DLG2: variants seen among roughly 807,000 people sequenced by gnomAD.
DLG2 encodes the protein disks large homolog 2.
A neutral mutation model predicts 132.5 loss-of-function variants in DLG2; 45 were observed. That is an observed-to-expected ratio of 0.34 (90% CI 0.27 to 0.44). The LOEUF (loss-of-function observed/expected upper bound fraction) is 0.44, where lower values mean the gene tolerates loss of function less well. DLG2 is among the 20% of genes least tolerant of loss of function. The probability of loss-of-function intolerance (pLI) is 1.00; values close to 1 mark genes in which losing one functional copy is unlikely to be tolerated. For missense variants in DLG2, 1,045 were observed against 1,196.9 expected, an observed-to-expected ratio of 0.87 and a Z score of 1.87; for synonymous variants, 424 against 419.6, an observed-to-expected ratio of 1.01 and a Z score of -0.13.
intron 19 of DLG2, among the ~76,000 whole-genome samples, chr11:83,542,311 A>G (rs555800401): frequency 1.1e-3 from 173 of 152,272 alleles, no homozygotes; most frequent in Admixed American, 2.8e-3. Context: ...AGCCTGTAGA[A>G]CTGTTTCTTT....
intron 2 of DLG2, among the ~76,000 whole-genome samples, chr11:85,609,710 A>G (rs2080853765): frequency 6.6e-6 from 1 of 152,160 alleles, no homozygotes; most frequent in Non-Finnish European, 1.5e-5. Context: ...GCACCAGCTC[A>G]TGTTATCACC....
At chr11:84,127,177 G>T (rs1011862488) in intron 9 of DLG2, among the ~76,000 whole-genome samples, 1 of 152,156 alleles carries the variant, frequency 6.6e-6, no homozygotes, top group Non-Finnish European at 1.5e-5. Flanking sequence ...ACGTTAGAAG[G>T]TAAGTCTGCA....
At chr11:85,300,146 G>A (rs879535835) in intron 3 of DLG2, among the ~76,000 whole-genome samples, 1 of 152,094 alleles carries the variant, frequency 6.6e-6, no homozygotes, top group Admixed American at 6.6e-5. Flanking sequence ...TAACAGTCTA[G>A]TAGAAAAAAA....
chr11:84,086,491 CTTTTT>C (rs66719037), intron 10 of DLG2, among the ~76,000 whole-genome samples: 2 of 110,498 alleles, frequency 1.8e-5, no homozygotes. Flanking sequence ...TTCTTTCTTT[CTTTTT>C]TTTTTTTTTT....
At chr11:84,581,406 C>A (rs1025522656) in intron 6 of DLG2, among the ~76,000 whole-genome samples, 1 of 151,936 alleles carries the variant, frequency 6.6e-6, no homozygotes, top group Admixed American at 6.6e-5. Flanking sequence ...TCCAGCATTA[C>A]GACTATATAT....
At position 83,962,829 on chromosome 11, in the gene DLG2, T is replaced by C. The variant is rs531876038; in HGVS notation, c.1340+56A>G. The C allele has an allele frequency of 9.7e-4, 1,548 of 1,593,784 alleles. 21 individuals carry two copies. The South Asian group carries it at 0.016, about 16-fold the overall frequency. On this transcript the variant is annotated intron_variant, in intron 14 of 27. Coordinates refer to ENST00000376104, the MANE Select transcript of DLG2 (RefSeq NM_001142699.3). ...AACAACACCTGACATGTTAGGCAAATGTGATTTCTTTCTGGTAATAAGAGC... is the reference window on the plus strand; with the variant it reads ...AACAACACCTGACATGTTAGGCAAACGTGATTTCTTTCTGGTAATAAGAGC...
chr11:84,794,974 T>C (rs2074371312), intron 6 of DLG2, among the ~76,000 whole-genome samples: 2 of 152,172 alleles, frequency 1.3e-5, no homozygotes, highest in Non-Finnish European at 2.9e-5. Context: ...GATAAGCTCC[T>C]GGGCAGAAAG....
At chr11:84,286,911 T>A (rs1304545867) in intron 7 of DLG2, among the ~76,000 whole-genome samples, 1 of 152,174 alleles carries the variant, frequency 6.6e-6, no homozygotes, top group African/African-American at 2.4e-5. Flanking sequence ...TAAGCGTACA[T>A]GATCTGGAGG....
chr11:85,167,451 C>T (rs952240989), intron 4 of DLG2, among the ~76,000 whole-genome samples: 1 of 152,104 alleles, frequency 6.6e-6, no homozygotes, highest in African/African-American at 2.4e-5. Flanking sequence ...GAGAAAACAG[C>T]AGAATCAGGA....
chr11:84,545,730 AGTAATGTCTTAG>A (rs1432614802), intron 6 of DLG2: 1 of 255,838 alleles, frequency 3.9e-6, no homozygotes, highest in East Asian at 1.1e-4. Flanking sequence ...CATTCTTCAA[AGTAATGTCTTAG>A]GTGATGTTCT....
At chr11:85,488,802 G>A (rs2093491430) in intron 3 of DLG2, among the ~76,000 whole-genome samples, 1 of 152,102 alleles carries the variant, frequency 6.6e-6, no homozygotes, top group African/African-American at 2.4e-5. Context: ...CCCAGACAAG[G>A]AAATGATGAC....
chr11:83,483,682 T>C (rs1253227584), intron 22 of DLG2, among the ~76,000 whole-genome samples: 1 of 152,184 alleles, frequency 6.6e-6, no homozygotes. Flanking sequence ...AGAAAGTGTT[T>C]AGTGTTTTGG....
intron 12 of DLG2, among the ~76,000 whole-genome samples, chr11:83,976,574 G>T (rs2092254696): frequency 1.3e-5 from 2 of 151,744 alleles, no homozygotes; most frequent in South Asian, 4.2e-4. Flanking sequence ...CAAGATAATT[G>T]GTCTTTTAGG....
At chr11:85,191,419 C>G (rs1377669357) in intron 4 of DLG2, among the ~76,000 whole-genome samples, 2 of 152,026 alleles carry the variant, frequency 1.3e-5, no homozygotes, top group East Asian at 3.9e-4. Flanking sequence ...GTTGTTCCCC[C>G]ACTTCATCCT....
At chr11:84,591,653 T>G (rs2099543617) in intron 6 of DLG2, among the ~76,000 whole-genome samples, 2 of 151,566 alleles carry the variant, frequency 1.3e-5, no homozygotes, top group Middle Eastern at 3.4e-3. Flanking sequence ...AGAGCAAGAC[T>G]CCATCTCAAA....
At chr11:85,091,925 A>C (rs2068844637) in intron 6 of DLG2, among the ~76,000 whole-genome samples, 1 of 152,138 alleles carries the variant, frequency 6.6e-6, no homozygotes, top group African/African-American at 2.4e-5. Context: ...GACCTCCTCC[A>C]GTGAATCATG....
chr11:85,119,439 A>C lies in DLG2; in HGVS notation c.283-7704T>G, dbSNP rs143718417. Among the ~76,000 whole-genome samples, 13 of 152,214 alleles carry C rather than the reference A, an allele frequency of 8.5e-5. No homozygotes were observed. The East Asian group carries it at 2.3e-3, about 27-fold the overall frequency. On this transcript the variant is annotated intron_variant, in intron 5 of 27. Transcript: ENST00000376104. ...ATTTAAGCTACTAAATACAAGATTT[A>C]AAAGCATAGTTTTGTGAAATATTTT...
At chr11:84,204,825 C>G (rs1413553652) in intron 8 of DLG2, among the ~76,000 whole-genome samples, 1 of 152,126 alleles carries the variant, frequency 6.6e-6, no homozygotes, top group Non-Finnish European at 1.5e-5. Context: ...CCTCAGCCTC[C>G]TAAGTAGCTG....
chr11:85,211,695 T>C (rs1277878022), intron 4 of DLG2, among the ~76,000 whole-genome samples: 1 of 152,090 alleles, frequency 6.6e-6, no homozygotes, highest in Non-Finnish European at 1.5e-5. Context: ...CTTCAAAAAA[T>C]GGTCCCATGC....
Sources: gnomAD v4.1 joint callset for allele counts (sites outside exome capture counted in the v4.1 genomes callset) on GRCh38, gnomAD v4.1.1 for gene constraint, MANE v1.5 for transcripts, NCBI Gene and HGNC (gene_info 2026-07-23, HGNC 2026-07-21) for gene names.